LYN: variants seen among roughly 807,000 people sequenced by gnomAD.
LYN encodes the protein LYN proto-oncogene, Src family tyrosine kinase.
Under a neutral mutation model 65.0 loss-of-function variants are expected in LYN, and 12 were observed. The ratio of observed to expected loss-of-function variants is 0.18; its 90% confidence interval spans 0.12 to 0.30. The LOEUF (loss-of-function observed/expected upper bound fraction) is 0.30, where lower values mean the gene tolerates loss of function less well. LYN is among the 10% of genes least tolerant of loss of function. The pLI is 1.00. For synonymous variants in LYN, 222 were observed against 221.2 expected, an observed-to-expected ratio of 1.00 and a Z score of -0.03; for missense variants, 380 against 623.2, an observed-to-expected ratio of 0.61 and a Z score of 4.16.
chr8:56,008,129 T>A (rs9643839), intron 12 of LYN, among the ~76,000 whole-genome samples: 81,241 of 122,300 alleles, frequency 0.66, 23,602 homozygotes, highest in East Asian at 0.92. Flanking sequence ...AAAAAAAAAA[T>A]AAAATAAAAT....
intron 1 of LYN, among the ~76,000 whole-genome samples, chr8:55,912,964 T>A (rs1262397994): frequency 2.0e-5 from 3 of 152,186 alleles, no homozygotes; most frequent in Non-Finnish European, 4.4e-5. Flanking sequence ...TTTTGTATTA[T>A]CAATATTTAA....
At chr8:55,889,102 C>T (rs1483049601) in intron 1 of LYN, among the ~76,000 whole-genome samples, 2 of 152,218 alleles carry the variant, frequency 1.3e-5, no homozygotes. Context: ...ACTGCAACCT[C>T]CACCTCCCAG....
chr8:55,914,454 C>T (rs1477229233), intron 1 of LYN, among the ~76,000 whole-genome samples: 2 of 151,992 alleles, frequency 1.3e-5, no homozygotes, highest in African/African-American at 2.4e-5. Context: ...TCATGTGAGC[C>T]GTGTACAGTT....
At chr8:56,003,596 A>G (rs1381869257) in intron 12 of LYN, among the ~76,000 whole-genome samples, 2 of 151,568 alleles carry the variant, frequency 1.3e-5, no homozygotes, top group Non-Finnish European at 2.9e-5. Flanking sequence ...GAATGCTTGA[A>G]CCCAGGAGAC....
intron 12 of LYN, among the ~76,000 whole-genome samples, chr8:56,002,000 G>A (rs1563330369): frequency 2.6e-5 from 4 of 152,190 alleles, no homozygotes; most frequent in Non-Finnish European, 5.9e-5. Context: ...AAAAGAACTG[G>A]CTGGGCACGG....
intron 10 of LYN, among the ~76,000 whole-genome samples, chr8:55,970,480 T>A (rs1191673617): frequency 6.6e-6 from 1 of 152,210 alleles, no homozygotes; most frequent in Non-Finnish European, 1.5e-5. Context: ...TGTCCATTAG[T>A]AATGTTCAGC....
chr8:55,971,219 C>T (rs1248665325), intron 10 of LYN, among the ~76,000 whole-genome samples: 1 of 152,208 alleles, frequency 6.6e-6, no homozygotes, highest in African/African-American at 2.4e-5. Flanking sequence ...AGCAGCCCTG[C>T]CTTTTTAGCC....
At chr8:55,921,087 C>T (rs779954749) in intron 1 of LYN, among the ~76,000 whole-genome samples, 2 of 152,250 alleles carry the variant, frequency 1.3e-5, no homozygotes, top group Non-Finnish European at 2.9e-5. Context: ...TTGTTTTCAT[C>T]GTCTAGATAC....
intron 1 of LYN, among the ~76,000 whole-genome samples, chr8:55,889,404 T>C (rs1284246645): frequency 6.6e-6 from 1 of 152,178 alleles, no homozygotes; most frequent in Non-Finnish European, 1.5e-5. Context: ...GGTTTGGCCA[T>C]GTTGGCCAGC....
At chr8:55,931,181 TATA>T (rs201324066) in intron 1 of LYN, among the ~76,000 whole-genome samples, 177 of 148,036 alleles carry the variant, frequency 1.2e-3, no homozygotes, top group African/African-American at 4.0e-3. Flanking sequence ...TATTTTAAAA[TATA>T]ATATGTAACT....
At chr8:55,984,030 A>G (rs1808004322) in intron 10 of LYN, among the ~76,000 whole-genome samples, 1 of 151,858 alleles carries the variant, frequency 6.6e-6, no homozygotes, top group African/African-American at 2.4e-5. Context: ...GTTCCATTCC[A>G]TGTCTTGTTG....
chr8:55,881,500 A>C (rs1404030700), intron 1 of LYN, among the ~76,000 whole-genome samples: 1 of 152,200 alleles, frequency 6.6e-6, no homozygotes, highest in East Asian at 1.9e-4. Context: ...TAGTCCCTCC[A>C]TTCTCATTTG....
intron 10 of LYN, among the ~76,000 whole-genome samples, chr8:55,983,497 G>C (rs1240683071): frequency 1.3e-5 from 2 of 152,148 alleles, no homozygotes; most frequent in African/African-American, 2.4e-5. Flanking sequence ...CAACAGAAGT[G>C]TTTTAGGAAC....
At chr8:55,898,134 A>C (rs890968776) in intron 1 of LYN, among the ~76,000 whole-genome samples, 33 of 140,358 alleles carry the variant, frequency 2.4e-4, no homozygotes, top group Non-Finnish European at 3.3e-4. Flanking sequence ...CCCTCCCCCC[A>C]AAAAAAAACT....
chr8:55,932,941 A>G (rs1428598370), intron 1 of LYN, among the ~76,000 whole-genome samples: 1 of 152,220 alleles, frequency 6.6e-6, no homozygotes, highest in Admixed American at 6.5e-5. Context: ...AGATAGGAGC[A>G]ATAGACACGG....
At chr8:55,881,579 G>C (rs1804654312) in intron 1 of LYN, among the ~76,000 whole-genome samples, 1 of 152,158 alleles carries the variant, frequency 6.6e-6, no homozygotes, top group Non-Finnish European at 1.5e-5. Context: ...TGGTGACTGG[G>C]CCTCTTTGGA....
intron 1 of LYN, among the ~76,000 whole-genome samples, chr8:55,893,382 T>TA (rs1218932433): frequency 6.6e-6 from 1 of 152,250 alleles, no homozygotes; most frequent in Non-Finnish European, 1.5e-5. Flanking sequence ...TATGACACAG[T>TA]GCCAGTCTGT....
At chr8:55,945,902 G>C (rs1806762236) in intron 2 of LYN, among the ~76,000 whole-genome samples, 1 of 152,200 alleles carries the variant, frequency 6.6e-6, no homozygotes. Flanking sequence ...GGCTGGGACG[G>C]CAACTCCACG....
chr8:55,930,195 A>C (rs10504200), intron 1 of LYN, among the ~76,000 whole-genome samples: 7,699 of 152,246 alleles, frequency 0.051, 650 homozygotes, highest in African/African-American at 0.17. Context: ...GCTCTAGCTA[A>C]CCTAGACTCC....
Sources: allele counts gnomAD v4.1 joint callset (sites outside exome capture counted in the v4.1 genomes callset), GRCh38; gene constraint gnomAD v4.1.1; transcripts MANE v1.5; gene names NCBI Gene and HGNC (gene_info 2026-07-23, HGNC 2026-07-21).